The following PEX5L variants were observed in gnomAD, a reference collection of about 807,000 sequenced individuals.
PEX5L encodes peroxisomal biogenesis factor 5 like.
A neutral mutation model predicts 84.0 loss-of-function variants in PEX5L; 30 were observed. That is an observed-to-expected ratio of 0.36 (90% CI 0.27 to 0.48). The LOEUF (loss-of-function observed/expected upper bound fraction) is 0.48, where lower values mean the gene tolerates loss of function less well. Among genes scored for constraint, PEX5L ranks in the 20% least tolerant of loss-of-function variants. The pLI is 0.99. For missense variants in PEX5L, 533 were observed against 754.6 expected (o/e 0.71, Z 3.44); for synonymous variants, 270 against 283.1 (o/e 0.95, Z 0.46).
intron 10 of PEX5L, among the ~76,000 whole-genome samples, chr3:179,813,664 A>ATTT (rs35351586): frequency 1.1e-3 from 104 of 96,398 alleles, no homozygotes; most frequent in East Asian, 4.5e-3. Context: ...CACTCAACTA[A>ATTT]TTTTTTTTTT....
intron 2 of PEX5L, among the ~76,000 whole-genome samples, chr3:179,923,290 CA>C (rs34537913): frequency 0.16 from 12,662 of 80,326 alleles, 362 homozygotes; most frequent in South Asian, 0.33. Context: ...GACTCCATCT[CA>C]AAAAAAAAAA....
intron 2 of PEX5L, among the ~76,000 whole-genome samples, chr3:179,962,333 C>A (rs1346764030): frequency 6.6e-6 from 1 of 152,178 alleles, no homozygotes; most frequent in Non-Finnish European, 1.5e-5. Context: ...CTAGAGGCTG[C>A]AGATCCCAAG....
chr3:179,837,950 G>A (rs1241261240), intron 8 of PEX5L, among the ~76,000 whole-genome samples: 1 of 152,120 alleles, frequency 6.6e-6, no homozygotes, highest in Admixed American at 6.6e-5. Context: ...TTATCCTCCT[G>A]ATGGCCATAG....
intron 2 of PEX5L, among the ~76,000 whole-genome samples, chr3:179,958,584 T>C (rs2110069469): frequency 6.6e-6 from 1 of 152,340 alleles, no homozygotes; most frequent in South Asian, 2.1e-4. Context: ...AAGACAAATA[T>C]CGGGTTAACA....
chr3:179,861,677 G>A (rs771317008), intron 7 of PEX5L, among the ~76,000 whole-genome samples: 6 of 152,208 alleles, frequency 3.9e-5, no homozygotes, highest in Non-Finnish European at 7.3e-5. Context: ...CTGACACAGG[G>A]AGGGTGACCT....
At chr3:179,945,933 A>G (rs2109874383) in intron 2 of PEX5L, among the ~76,000 whole-genome samples, 1 of 152,282 alleles carries the variant, frequency 6.6e-6, no homozygotes, top group Non-Finnish European at 1.5e-5. Context: ...TATTTTGCAA[A>G]GTTGGAAAAA....
At chr3:179,999,202 A>T (rs1445186451) in intron 1 of PEX5L, among the ~76,000 whole-genome samples, 1 of 152,202 alleles carries the variant, frequency 6.6e-6, no homozygotes, top group Non-Finnish European at 1.5e-5. Flanking sequence ...GGGAAAAGGT[A>T]TGTGGATGGA....
At chr3:180,023,614 A>C (rs956134906) in intron 1 of PEX5L, among the ~76,000 whole-genome samples, 1 of 152,164 alleles carries the variant, frequency 6.6e-6, no homozygotes, top group Non-Finnish European at 1.5e-5. Context: ...TAATAATAGA[A>C]TCCTAGAGCT....
Position 180,036,924 on chromosome 3 carries a change from C to T in PEX5L, c.-325G>A, listed in dbSNP as rs948841579. 1 of 380,560 alleles carries T rather than the reference C, an allele frequency of 2.6e-6. No homozygotes were observed. The highest frequency in any genetic ancestry group is 2.0e-5 in the African/African-American group (1 of 49,436). The allele number at this position is 380,560 out of a possible 1,614,324, so 23.6% of individuals were successfully genotyped here. A position where few individuals can be genotyped will look rare whatever the true frequency, so the allele number is the denominator to read the frequency against. On this transcript the variant is annotated 5_prime_UTR_variant, in exon 1 of 15. Coordinates refer to ENST00000467460, the MANE Select transcript of PEX5L (RefSeq NM_016559.3). Reference sequence around the variant, plus strand: ...GAACTCACTCCTTCTTCGCCGAACTCTTTCTCGCTTCCTGCCAGGTTGCCT... The same window carrying T: ...GAACTCACTCCTTCTTCGCCGAACTTTTTCTCGCTTCCTGCCAGGTTGCCT...
At chr3:180,030,644 G>T (rs2108361044) in intron 1 of PEX5L, among the ~76,000 whole-genome samples, 1 of 152,290 alleles carries the variant, frequency 6.6e-6, no homozygotes, top group East Asian at 1.9e-4. Flanking sequence ...AAGAGGGTGT[G>T]TGGGAGTGGG....
chr3:179,865,776 T>C (rs927687984), intron 7 of PEX5L, among the ~76,000 whole-genome samples: 3 of 152,142 alleles, frequency 2.0e-5, no homozygotes, highest in Non-Finnish European at 2.9e-5. Flanking sequence ...TCCGATTCAG[T>C]AGGTCTGAGG....
chr3:179,834,229 G>T (rs1734170807), intron 8 of PEX5L, among the ~76,000 whole-genome samples: 1 of 152,222 alleles, frequency 6.6e-6, no homozygotes, highest in South Asian at 2.1e-4. Context: ...GGAAAAGAAT[G>T]GTGAAGGATG....
intron 7 of PEX5L, among the ~76,000 whole-genome samples, chr3:179,869,865 T>A (rs960856843): frequency 6.6e-6 from 1 of 152,216 alleles, no homozygotes; most frequent in Admixed American, 6.5e-5. Flanking sequence ...CTTCCCAATA[T>A]GGCTTTTGTT....
chr3:179,975,463 G>A (rs1405154211), intron 1 of PEX5L, among the ~76,000 whole-genome samples: 2 of 152,156 alleles, frequency 1.3e-5, no homozygotes, highest in Non-Finnish European at 2.9e-5. Flanking sequence ...AAGGGAAAAG[G>A]AACACTTGAT....
At chr3:179,860,975 T>C (rs760208264) in intron 7 of PEX5L, among the ~76,000 whole-genome samples, 17 of 152,216 alleles carry the variant, frequency 1.1e-4, no homozygotes, top group South Asian at 2.1e-4. Context: ...TGGGGGGCCG[T>C]TGCATAGGTG....
At chr3:179,882,923 CA>C (rs1754590581) in intron 4 of PEX5L, among the ~76,000 whole-genome samples, 1 of 151,934 alleles carries the variant, frequency 6.6e-6, no homozygotes, top group Non-Finnish European at 1.5e-5. Flanking sequence ...TCAGTCACTA[CA>C]AAACAATTAA....
chr3:179,937,953 C>T (rs1384278736), intron 2 of PEX5L, among the ~76,000 whole-genome samples: 1 of 152,130 alleles, frequency 6.6e-6, no homozygotes, highest in African/African-American at 2.4e-5. Flanking sequence ...CCTCTACCAT[C>T]TCCACCTCTA....
At chr3:179,906,850 G>T (rs1469567110) in intron 2 of PEX5L, among the ~76,000 whole-genome samples, 2 of 152,108 alleles carry the variant, frequency 1.3e-5, no homozygotes, top group African/African-American at 4.8e-5. Context: ...CACAAATGGA[G>T]GGACATCTTA....
intron 1 of PEX5L, among the ~76,000 whole-genome samples, chr3:179,975,802 T>C (rs13091129): frequency 0.39 from 59,187 of 151,622 alleles, 12,206 homozygotes; most frequent in East Asian, 0.74. Flanking sequence ...TAAAAGGTGA[T>C]TTCCTCATAT....
Sources: allele counts gnomAD v4.1 joint callset (sites outside exome capture counted in the v4.1 genomes callset), GRCh38; gene constraint gnomAD v4.1.1; transcripts MANE v1.5; gene names NCBI Gene and HGNC (gene_info 2026-07-23, HGNC 2026-07-21).